The following HS3ST1 variants were observed in gnomAD, a reference collection of about 807,000 sequenced individuals.
HS3ST1 encodes heparan sulfate glucosamine 3-O-sulfotransferase 1.
HS3ST1 carries 8 observed loss-of-function variants against 20.7 expected under a neutral mutation model. The ratio of observed to expected loss-of-function variants is 0.39; its 90% CI spans 0.23 to 0.70. HS3ST1 has a LOEUF of 0.70. HS3ST1 is among the 30% of genes least tolerant of loss of function. HS3ST1 has a pLI of 0.46. For missense variants in HS3ST1, 436 were observed against 423.4 expected (o/e 1.03, Z -0.26); for synonymous variants, 205 against 190.4 (o/e 1.08, Z -0.63).
At chr4:11,427,822 T>C (rs1719099487) in intron 1 of HS3ST1, among the ~76,000 whole-genome samples, 2 of 152,350 alleles carry the variant, frequency 1.3e-5, no homozygotes, top group East Asian at 1.9e-4. Flanking sequence ...CTCCAGCTTC[T>C]TCTTCCCATC....
At chr4:11,418,570 G>A (rs896008561) in intron 1 of HS3ST1, among the ~76,000 whole-genome samples, 1 of 152,154 alleles carries the variant, frequency 6.6e-6, no homozygotes, top group African/African-American at 2.4e-5. Flanking sequence ...ACTGCGTGGC[G>A]AATGGAGCTC....
intron 1 of HS3ST1, among the ~76,000 whole-genome samples, chr4:11,425,433 T>C (rs1719036112): frequency 2.0e-5 from 3 of 152,140 alleles, no homozygotes; most frequent in Admixed American, 2.0e-4. Flanking sequence ...ACATGTAATG[T>C]GTATTATGTT....
rs1427352012 is a variant in HS3ST1, at chr4:11,394,389, A to C, written c.*4693T>G. 3 of 152,186 alleles carry C rather than the reference A, an allele frequency of 2.0e-5. No homozygotes were observed. The highest frequency in any genetic ancestry group is 7.2e-5 in the African/African-American group (3 of 41,430). 9.4% of individuals were successfully genotyped at this position (152,186 alleles called of 1,614,324 possible). ...CACCAAGGTCATTTTCTACATCAAA[A>C]CACTTTAGTGAAGCAGCTAAATCCG... On this transcript the variant is annotated 3_prime_UTR_variant, in exon 2 of 2. Transcript: ENST00000002596.
In HS3ST1 at chr4:11,412,931, G is replaced by A. The variant is rs141752873; in HGVS notation, c.-108-12818C>T. Among the ~76,000 whole-genome samples the A allele has an allele frequency of 8.5e-3, 1,289 of 152,266 alleles. 29 individuals carry two copies. The highest frequency in any genetic ancestry group is 0.06 in the South Asian group (289 of 4,828). On this transcript the variant is annotated intron_variant, in intron 1 of 1. Transcript: ENST00000002596. The stretch of plus-strand genomic sequence containing the variant: ...GCAAGTAGGTCATGAGGGTGAAGAC[G>A]TCATGAATGGTATTAGCGCCCTTCT...
intron 1 of HS3ST1, among the ~76,000 whole-genome samples, chr4:11,417,669 G>A (rs1325140412): frequency 2.0e-5 from 3 of 152,040 alleles, no homozygotes; most frequent in Non-Finnish European, 4.4e-5. Flanking sequence ...AATTATATTC[G>A]TGTTTTACAA....
At chr4:11,406,890 A>G (rs1230236568) in intron 1 of HS3ST1, among the ~76,000 whole-genome samples, 1 of 152,146 alleles carries the variant, frequency 6.6e-6, no homozygotes, top group Non-Finnish European at 1.5e-5. Context: ...CTTCTGGGCA[A>G]TCAAAAGTAT....
Position 11,399,699 on chromosome 4 carries a change from A to G in HS3ST1, c.307T>C (p.Tyr103His). ...CAGGAGAAGGGCATCTGGCTGAGGT[A>G]CCAGCCCAAGCCGTGGCTGTAATGC... ...EEHYSHGLGW[Y>H]LSQMPFSWPH... Residue 103 changes from tyrosine to histidine, a missense_variant, in exon 2 of 2, where the codon TAC becomes CAC. Coordinates refer to ENST00000002596, the MANE Select transcript of HS3ST1 (RefSeq NM_005114.4). The surrounding 1 kb of genome is among the most constrained non-coding windows in gnomAD (Gnocchi z 5.1). 1 of 1,613,868 alleles carries G rather than the reference A, an allele frequency of 6.2e-7. No homozygotes were observed.
intron 1 of HS3ST1, among the ~76,000 whole-genome samples, chr4:11,416,589 G>A (rs1718788001): frequency 6.6e-6 from 1 of 152,162 alleles, no homozygotes; most frequent in South Asian, 2.1e-4. Context: ...GAGGGTTGGT[G>A]GCAGGACACT....
Position 11,399,787 on chromosome 4 carries a change from C to G in HS3ST1, c.219G>C (p.Met73Ile). The G allele has an allele frequency of 6.2e-7, 1 of 1,613,516 alleles. No individual in the cohort carries two copies. The highest frequency in any genetic ancestry group is 8.5e-7 in the Non-Finnish European group (1 of 1,179,958). The stretch of plus-strand genomic sequence containing the variant: ...CCGCCACGTCGGGGTGCAGGCTGAG[C>G]ATCTCCAGCAGTGCGCGCGTGCCGC... The part of the protein sequence containing the change: ...RKGGTRALLE[M>I]LSLHPDVAAA... Residue 73 changes from methionine (M) to isoleucine (I), a missense_variant, in exon 2 of 2, where the codon ATG becomes ATC. Physicochemically the swap from Met to Ile is conservative, Grantham distance 10. Transcript: ENST00000002596. The surrounding 1 kb of genome is among the most constrained non-coding windows in gnomAD (Gnocchi z 5.1).
intron 1 of HS3ST1, 100 bp from the exon 2 acceptor site, chr4:11,400,213 C>T (rs1718286310): frequency 2.0e-6 from 2 of 987,048 alleles, no homozygotes; most frequent in Admixed American, 3.5e-5. Flanking sequence ...TATTCACCTC[C>T]CCAGGACTCT....
rs1333799544 is a variant in HS3ST1, at chr4:11,396,450, C to A, written c.*2632G>T. 4 of 152,236 alleles carry A rather than the reference C, an allele frequency of 2.6e-5. No homozygotes were observed. Among genetic ancestry groups the A allele is most frequent in the Non-Finnish European group, 5.9e-5 (4 of 68,092 alleles). The allele number at this position is 152,236 out of a possible 1,614,324, so 9.4% of individuals were successfully genotyped here. A position where few individuals can be genotyped will look rare whatever the true frequency, so the allele number is the denominator to read the frequency against. On this transcript the variant is annotated 3_prime_UTR_variant, in exon 2 of 2. Transcript: ENST00000002596. ...GGGCCGGGGTGGTCTGGACAGGAGA[C>A]CCACCCCTTCCACTGACACCTGTCT...
At chr4:11,423,681 G>A (rs1718991456) in intron 1 of HS3ST1, among the ~76,000 whole-genome samples, 1 of 152,162 alleles carries the variant, frequency 6.6e-6, no homozygotes, top group South Asian at 2.1e-4. Context: ...CAATAAACGT[G>A]TTAAAGGAGT....
intron 1 of HS3ST1, among the ~76,000 whole-genome samples, chr4:11,423,107 A>G (rs1339915656): frequency 6.6e-6 from 1 of 150,456 alleles, no homozygotes. Flanking sequence ...TCCTTACCAC[A>G]GTCCTCAATC....
intron 1 of HS3ST1, among the ~76,000 whole-genome samples, chr4:11,417,899 G>A (rs931538762): frequency 6.6e-6 from 1 of 152,162 alleles, no homozygotes; most frequent in Non-Finnish European, 1.5e-5. Flanking sequence ...TTGCCCAAAG[G>A]CAAGAGGGAT....
Position 11,399,157 on chromosome 4 carries a change from AT to A in HS3ST1, c.848del (p.Asn283IlefsTer29), listed in dbSNP as rs778923831. The A allele has an allele frequency of 6.2e-7, 1 of 1,614,178 alleles. No homozygotes were observed. Among genetic ancestry groups the A allele is most frequent in the Non-Finnish European group, 8.5e-7 (1 of 1,180,040 alleles). ...AHPQVDPKLL[N>X]KLHEYFHEPN... ...GCTCATGAAAATATTCGTGCAGTTTATTGAGTAGTTTGGGATCGACTTGGGG... is the reference window on the plus strand; with the variant it reads ...GCTCATGAAAATATTCGTGCAGTTTATGAGTAGTTTGGGATCGACTTGGGG... On this transcript the variant is annotated frameshift_variant, in exon 2 of 2. Coordinates refer to ENST00000002596, the MANE Select transcript of HS3ST1 (RefSeq NM_005114.4). LOFTEE classifies it high-confidence loss of function. This position sits in a 1 kb window ranked among gnomAD's most constrained non-coding sequence, Gnocchi z 5.1.
chr4:11,424,891 A>G (rs998256074), intron 1 of HS3ST1, among the ~76,000 whole-genome samples: 9 of 151,426 alleles, frequency 5.9e-5, no homozygotes, highest in African/African-American at 9.7e-5. Context: ...CTATGAAGGG[A>G]AGGTTGTGTT....
intron 1 of HS3ST1, among the ~76,000 whole-genome samples, chr4:11,410,698 C>A (rs1045421950): frequency 6.6e-6 from 1 of 152,078 alleles, no homozygotes; most frequent in Non-Finnish European, 1.5e-5. Flanking sequence ...TCAAGACCAG[C>A]CGGTCAAACA....
chr4:11,400,215 C>A (rs951710504), intron 1 of HS3ST1, 102 bp from the exon 2 acceptor site: 2 of 961,022 alleles, frequency 2.1e-6, no homozygotes, highest in South Asian at 4.9e-5. Flanking sequence ...TTCACCTCCC[C>A]AGGACTCTCA....
intron 1 of HS3ST1, among the ~76,000 whole-genome samples, chr4:11,425,169 G>A (rs1719030235): frequency 6.6e-6 from 1 of 152,284 alleles, no homozygotes; most frequent in Admixed American, 6.5e-5. Flanking sequence ...TATACTTATT[G>A]AATGTCTAAG....
Sources: gnomAD v4.1 joint callset for allele counts (sites outside exome capture counted in the v4.1 genomes callset) on GRCh38, gnomAD v4.1.1 for gene constraint, Gnocchi (gnomAD v3.1) non-coding constraint, MANE v1.5 for transcripts, NCBI Gene and HGNC (gene_info 2026-07-23, HGNC 2026-07-21) for gene names.